The following DDX60L variants were observed in gnomAD, a reference collection of about 807,000 sequenced individuals.
DDX60L encodes probable ATP-dependent RNA helicase DDX60-like.
A neutral mutation model predicts 211.6 loss-of-function variants in DDX60L; 191 were observed. The ratio of observed to expected loss-of-function variants is 0.90; its 90% CI spans 0.80 to 1.02. The LOEUF is 1.02. Among genes scored for constraint, DDX60L ranks in the 50% least tolerant of loss-of-function variants. DDX60L has a pLI of 0.00. For synonymous variants in DDX60L, 706 were observed against 694.1 expected, an observed-to-expected ratio of 1.02 and a Z score of -0.27; for missense variants, 2,007 against 1,984.1, an observed-to-expected ratio of 1.01 and a Z score of -0.22.
At chr4:168,392,506 A>T (rs1204499460) in intron 28 of DDX60L, among the ~76,000 whole-genome samples, 1 of 152,038 alleles carries the variant, frequency 6.6e-6, no homozygotes, top group Non-Finnish European at 1.5e-5. Flanking sequence ...GGCTCAAATC[A>T]CCAAACTTTA....
At position 168,415,780 on chromosome 4, in the gene DDX60L, G is replaced by A. The variant is rs1366568848; in HGVS notation, c.2746C>T (p.Gln916Ter). The change falls in exon 21 of 38, where the codon CAG (glutamine) becomes TAG (stop). Residue 916 changes from glutamine (Q) to a stop codon, truncating the protein, a stop_gained. Coordinates refer to ENST00000682922, the MANE Select transcript of DDX60L (RefSeq NM_001012967.3). LOFTEE classifies it high-confidence loss of function. The stretch of plus-strand genomic sequence containing the variant: ...ATCTTGTCTGCCTGTTTCCAGTACT[G>A]TTTTACTGATTGCAGCCACCTTACA... ...LLTKWLQSVK[Q>*]YWKQADKIME... 9 of 1,566,358 alleles carry A rather than the reference G, an allele frequency of 5.7e-6. No individual in the cohort carries two copies. The East Asian group carries it at 2.1e-4, about 37-fold the overall frequency.
chr4:168,443,902 G>A lies in DDX60L; in HGVS notation c.1139-2410C>T, dbSNP rs939868931. On this transcript the variant is annotated intron_variant, in intron 9 of 37. Coordinates refer to ENST00000682922, the MANE Select transcript of DDX60L (RefSeq NM_001012967.3). The stretch of plus-strand genomic sequence containing the variant: ...GCACTAAACATGGAAAGGAACAACC[G>A]GTACCAGCCGCTGCAAAATCATGCC... 6.2e-5 allele frequency among the ~76,000 whole-genome samples: 9 copies of A among 145,006 alleles called. No homozygotes were observed. The South Asian group carries it at 6.9e-4, about 11-fold the overall frequency.
intron 8 of DDX60L, among the ~76,000 whole-genome samples, chr4:168,449,695 G>T (rs1441935824): frequency 7.4e-6 from 1 of 134,966 alleles, no homozygotes; most frequent in Non-Finnish European, 1.6e-5. Flanking sequence ...TAAATGATGT[G>T]CTTGACTAAG....
chr4:168,375,524 C>T lies in DDX60L; in HGVS notation c.4486G>A (p.Val1496Met). The T allele has an allele frequency of 6.3e-7, 1 of 1,592,206 alleles. No homozygotes were observed. The highest frequency in any genetic ancestry group is 2.3e-5 in the East Asian group (1 of 44,432). Residue 1496 changes from valine (V) to methionine (M), a missense_variant and splice_region_variant, in exon 34 of 38, where the codon GTG (valine) becomes ATG (methionine). Transcript: ENST00000682922. ...NANLSFSQSK[V>M]ILAELPEDFK... ...TCCTCCGGGAGTTCGGCAAGGATCA[C>T]CTATGGGCGAAATACATTTCAGAAA...
At chr4:168,413,237 T>C (rs565702348) in intron 22 of DDX60L, among the ~76,000 whole-genome samples, 3 of 152,312 alleles carry the variant, frequency 2.0e-5, no homozygotes, top group African/African-American at 7.2e-5. Context: ...TATGTGACTT[T>C]TCAGGCCGAT....
intron 37 of DDX60L, among the ~76,000 whole-genome samples, 169 bp downstream of exon 37, chr4:168,360,980 A>T (rs1739006926): frequency 6.6e-6 from 1 of 152,220 alleles, no homozygotes; most frequent in Non-Finnish European, 1.5e-5. Context: ...GTCCTGAGGA[A>T]TGGGTCTACA....
At chr4:168,376,330 G>T (rs922188632) in intron 33 of DDX60L, among the ~76,000 whole-genome samples, 9 of 152,072 alleles carry the variant, frequency 5.9e-5, no homozygotes, top group African/African-American at 2.2e-4. Flanking sequence ...TTGGTAAAAA[G>T]GAAAGAAAAA....
In DDX60L at chr4:168,382,534, T is replaced by C. The variant is rs1743147213; in HGVS notation, c.4116+2078A>G. Among the ~76,000 whole-genome samples, 3 of 152,222 alleles carry C rather than the reference T, an allele frequency of 2.0e-5. No homozygotes were observed. In the South Asian group the frequency reaches 6.2e-4, roughly 32 times the overall value. On this transcript the variant is annotated intron_variant, in intron 30 of 37. Coordinates refer to ENST00000682922, the MANE Select transcript of DDX60L (RefSeq NM_001012967.3). ...ATACAGCAATACTGTTTTCCTCATT[T>C]TTATCTGGAATTAAGAGTGACACAT...
chr4:168,399,022 C>A (rs1746316554), intron 26 of DDX60L, among the ~76,000 whole-genome samples: 1 of 152,236 alleles, frequency 6.6e-6, no homozygotes, highest in Non-Finnish European at 1.5e-5. Flanking sequence ...ATCCCACCTG[C>A]AGAGAGAAGC....
intron 1 of DDX60L, among the ~76,000 whole-genome samples, chr4:168,473,101 G>A (rs1245856051): frequency 1.3e-5 from 2 of 152,184 alleles, no homozygotes; most frequent in African/African-American, 2.4e-5. Flanking sequence ...AGAACAGCAT[G>A]TGCAAAGGCC....
intron 35 of DDX60L, among the ~76,000 whole-genome samples, chr4:168,372,712 G>A (rs760576296): frequency 2.0e-5 from 3 of 151,128 alleles, no homozygotes; most frequent in African/African-American, 2.4e-5. Flanking sequence ...GGGCAAGAGA[G>A]TGAGACCCTG....
At chr4:168,425,090 G>A (rs555642027) in intron 14 of DDX60L, among the ~76,000 whole-genome samples, 12 of 152,242 alleles carry the variant, frequency 7.9e-5, no homozygotes, top group Non-Finnish European at 1.5e-4. Flanking sequence ...CACTAAGAAC[G>A]GTACAATACG....
intron 34 of DDX60L, among the ~76,000 whole-genome samples, chr4:168,374,622 C>T (rs987277883): frequency 6.6e-6 from 1 of 152,138 alleles, no homozygotes; most frequent in Non-Finnish European, 1.5e-5. Context: ...AAGTAGAAGC[C>T]ACTAGCACTG....
At chr4:168,373,442 ACAGTGG>A (rs1021959082) in intron 35 of DDX60L, among the ~76,000 whole-genome samples, 1 of 152,110 alleles carries the variant, frequency 6.6e-6, no homozygotes, top group Non-Finnish European at 1.5e-5. Context: ...ATGAGAAAAA[ACAGTGG>A]TGTCTGAAAT....
chr4:168,436,588 G>C (rs1217136514), intron 10 of DDX60L, among the ~76,000 whole-genome samples: 1 of 152,170 alleles, frequency 6.6e-6, no homozygotes, highest in Non-Finnish European at 1.5e-5. Context: ...ACGTTCTCCA[G>C]AAGGCTGTAA....
chr4:168,440,648 T>C (rs1205585297), intron 10 of DDX60L, among the ~76,000 whole-genome samples: 1 of 152,198 alleles, frequency 6.6e-6, no homozygotes, highest in African/African-American at 2.4e-5. Flanking sequence ...AGACCACGAC[T>C]CATTGCACTT....
intron 35 of DDX60L, among the ~76,000 whole-genome samples, chr4:168,373,034 A>T (rs926286717): frequency 2.0e-5 from 3 of 152,174 alleles, no homozygotes. Flanking sequence ...ATATCAACCC[A>T]AACTGTGCAA....
intron 8 of DDX60L, among the ~76,000 whole-genome samples, chr4:168,452,650 A>G (rs1755959869): frequency 6.6e-6 from 1 of 152,152 alleles, no homozygotes; most frequent in Non-Finnish European, 1.5e-5. Context: ...TATGATTGCA[A>G]CCATAACAAA....
intron 22 of DDX60L, among the ~76,000 whole-genome samples, chr4:168,412,944 G>A (rs951900834): frequency 6.6e-6 from 1 of 152,244 alleles, no homozygotes; most frequent in African/African-American, 2.4e-5. Context: ...CTATGAGACT[G>A]CAAGAGCCAC....
Sources: allele counts gnomAD v4.1 joint callset (sites outside exome capture counted in the v4.1 genomes callset), GRCh38; gene constraint gnomAD v4.1.1; transcripts MANE v1.5; gene names NCBI Gene and HGNC (gene_info 2026-07-23, HGNC 2026-07-21).